The following LAMA1 variants were observed in gnomAD, a reference collection of about 807,000 sequenced individuals.
LAMA1 encodes the protein laminin subunit alpha-1.
A neutral mutation model predicts 348.7 loss-of-function variants in LAMA1; 219 were observed. That is an observed-to-expected ratio of 0.63 (90% CI 0.56 to 0.70). The LOEUF is 0.70. LAMA1 is among the 30% of genes least tolerant of loss of function. The pLI is 0.00. For missense variants in LAMA1, 3,744 were observed against 3,888.0 expected, an observed-to-expected ratio of 0.96 and a Z score of 0.99; for synonymous variants, 1,487 against 1,491.0, an observed-to-expected ratio of 1.00 and a Z score of 0.06.
intron 3 of LAMA1, among the ~76,000 whole-genome samples, chr18:7,067,092 A>G (rs2058125719): frequency 6.6e-6 from 1 of 152,178 alleles, no homozygotes; most frequent in Non-Finnish European, 1.5e-5. Flanking sequence ...GGAAGAAGAA[A>G]TTGGTAGCAC....
At chr18:7,098,743 A>T (rs1568067894) in intron 1 of LAMA1, among the ~76,000 whole-genome samples, 3 of 136,088 alleles carry the variant, frequency 2.2e-5, no homozygotes, top group Non-Finnish European at 4.8e-5. Flanking sequence ...CCGCCCGGCC[A>T]GCCACCCCGT....
Position 6,948,423 on chromosome 18 carries a change from C to T in LAMA1, c.8690G>A (p.Gly2897Glu), listed in dbSNP as rs1384268110. The change falls in exon 60 of 63, where the codon GGA becomes GAA. Residue 2897 changes from glycine to glutamate, a missense_variant. Physicochemically the swap from Gly to Glu is moderately conservative, Grantham distance 98. This residue lies in a region of LAMA1 where 232 missense variants were observed against 264.4 expected (regional missense o/e 0.88). Coordinates refer to ENST00000389658, the MANE Select transcript of LAMA1 (RefSeq NM_005559.4). ...AVAQEGTYFD[G>E]SGYAALVKEG... ...CATACCAAGAGCTGCATATCCGCTTCCGTCAAAGTATGTTCCTTCCTGGGC... is the reference window on the plus strand; with the variant it reads ...CATACCAAGAGCTGCATATCCGCTTTCGTCAAAGTATGTTCCTTCCTGGGC... 6.2e-7 allele frequency: 1 copy of T among 1,614,224 alleles called. No individual in the cohort carries two copies.
In LAMA1 at chr18:6,965,412, C is replaced by G; in HGVS notation, c.7071G>C (p.Glu2357Asp). The G allele has an allele frequency of 6.2e-7, 1 of 1,614,144 alleles. No homozygotes were observed. The stretch of plus-strand genomic sequence containing the variant: ...TAACCTTCACTCTGCCACGAAACAG[C>G]TCGATGGATAAAAAGTCTTTCTGTA... ...SYGTKDFLSI[E>D]LFRGRVKVMT... The change falls in exon 50 of 63, where the codon GAG (glutamate) becomes GAC (aspartate). Residue 2357 changes from glutamate to aspartate, a missense_variant. Physicochemically the swap from Glu to Asp is conservative, Grantham distance 45. Transcript: ENST00000389658.
Position 6,966,259 on chromosome 18 carries a change from C to T in LAMA1, c.6938G>A (p.Ser2313Asn), listed in dbSNP as rs965945947. ...TGACTTCTCCACGACAGAGTACCCA[C>T]TCCCGTCAAAATGGAAGGAAGGGTC... ...NEDPSFHFDG[S>N]GYSVVEKSLP... Residue 2313 changes from serine (S) to asparagine (N), a missense_variant, in exon 49 of 63, where the codon AGT becomes AAT. Coordinates refer to ENST00000389658, the MANE Select transcript of LAMA1 (RefSeq NM_005559.4). 7 of 1,614,000 alleles carry T rather than the reference C, an allele frequency of 4.3e-6. No individual in the cohort carries two copies. The highest frequency in any genetic ancestry group is 5.9e-6 in the Non-Finnish European group (7 of 1,179,978).
In LAMA1 at chr18:7,043,249, T is replaced by A. The variant is rs1357593410; in HGVS notation, c.1133A>T (p.Asp378Val). Residue 378 changes from aspartate to valine, a missense_variant, in exon 8 of 63, where the codon GAT (aspartate) becomes GTT (valine). Coordinates refer to ENST00000389658, the MANE Select transcript of LAMA1 (RefSeq NM_005559.4). ...TACTTTGTGTGGTCTATAATATCCA[T>A]CAATACAGGTTTCACAGTTGATTCC... ...TMGINCETCI[D>V]GYYRPHKVSP... 24 of 1,614,176 alleles carry A rather than the reference T, an allele frequency of 1.5e-5. No individual in the cohort carries two copies. Among genetic ancestry groups the A allele is most frequent in the Non-Finnish European group, 1.9e-5 (22 of 1,180,020 alleles).
Position 7,080,279 on chromosome 18 carries a change from A to C in LAMA1, c.232+8T>G. ...TGGGAATTTCAGAAATAAAGGCGCG[A>C]CACTTGCCTCTGGGGTTTGCGCTGT... is the stretch of plus-strand genomic sequence containing the variant. On this transcript the variant is annotated splice_region_variant and intron_variant, in intron 2 of 62. Coordinates refer to ENST00000389658, the MANE Select transcript of LAMA1 (RefSeq NM_005559.4). 6.2e-7 allele frequency: 1 copy of C among 1,614,024 alleles called. No homozygotes were observed. Among genetic ancestry groups the C allele is most frequent in the Non-Finnish European group, 8.5e-7 (1 of 1,180,044 alleles).
intron 3 of LAMA1, among the ~76,000 whole-genome samples, chr18:7,051,376 A>T (rs1433114569): frequency 6.6e-6 from 1 of 152,208 alleles, no homozygotes; most frequent in African/African-American, 2.4e-5. Flanking sequence ...AAATAGAATC[A>T]GTAGCAACTG....
Position 6,985,659 on chromosome 18 carries a change from C to G in LAMA1, c.5380-16G>C. The G allele has an allele frequency of 6.4e-7, 1 of 1,573,818 alleles. No individual in the cohort carries two copies. Among genetic ancestry groups the G allele is most frequent in the South Asian group, 1.1e-5 (1 of 90,090 alleles). On this transcript the variant is annotated splice_polypyrimidine_tract_variant and intron_variant, in intron 37 of 62. Coordinates refer to ENST00000389658, the MANE Select transcript of LAMA1 (RefSeq NM_005559.4). ...GCTTTTTATCCTGCAGCAGAAACGG[C>G]ATTTTAAGGGTGCTTCATAAAAGCA...
chr18:7,016,793 C>T, intron 20 of LAMA1, 122 bp from the exon 21 acceptor site: 2 of 887,804 alleles, frequency 2.3e-6, no homozygotes, highest in Non-Finnish European at 3.4e-6. Flanking sequence ...TTCATGACAC[C>T]ATCCCCATCC....
rs773818069 is a variant in LAMA1 at position 7,074,967 on chromosome 18, C to CAAAAAAAAAA, written c.345+4998_345+5007dup. ...GATAACCAAACCTAATACATAGAGGCAAAAAAAAAAAAAAAAAAAAAAAAA... is the reference window on the plus strand; with the variant it reads ...GATAACCAAACCTAATACATAGAGGCAAAAAAAAAAAAAAAAAAAAAAAAAAAAAAAAAAA... On this transcript the variant is annotated intron_variant, in intron 3 of 62. Transcript: ENST00000389658. 4.6e-4 allele frequency among the ~76,000 whole-genome samples: 24 copies of CAAAAAAAAAA among 52,266 alleles called. 5 individuals carry two copies. Among genetic ancestry groups the CAAAAAAAAAA allele is most frequent in the Non-Finnish European group, 7.3e-4 (22 of 30,290 alleles). The allele number at this position is 52,266 out of a possible 152,430, so 34.3% of individuals were successfully genotyped here.
chr18:7,105,354 G>C (rs1235071971), intron 1 of LAMA1, among the ~76,000 whole-genome samples: 1 of 152,010 alleles, frequency 6.6e-6, no homozygotes, highest in African/African-American at 2.4e-5. Context: ...TGGCAGAATT[G>C]CTTGAACCCG....
At chr18:6,976,234 T>A (rs1226506388) in intron 44 of LAMA1, among the ~76,000 whole-genome samples, 154 bp from the exon 45 acceptor site, 2 of 152,192 alleles carry the variant, frequency 1.3e-5, no homozygotes, top group Non-Finnish European at 2.9e-5. Flanking sequence ...AAGTGACATA[T>A]CAGATGGTAA....
rs1020970360 is a variant in LAMA1 at position 6,976,194 on chromosome 18, T to C, written c.6346-114A>G. 3.7e-5 allele frequency: 36 copies of C among 969,922 alleles called. No individual in the cohort carries two copies. The Admixed American group carries it at 6.2e-4, about 17-fold the overall frequency. 60.1% of individuals were successfully genotyped at this position (969,922 alleles called of 1,614,324 possible). A position where few individuals can be genotyped will look rare whatever the true frequency, so the allele number is the denominator to read the frequency against. On this transcript the variant is annotated intron_variant, in intron 44 of 62. Coordinates refer to ENST00000389658, the MANE Select transcript of LAMA1 (RefSeq NM_005559.4). ...TTTTCACTGAGGCAGGTTTCCTCTC[T>C]TGATAACATACAATGGTTCATGTTT...
chr18:6,946,130 T>C (rs780663227), intron 61 of LAMA1, among the ~76,000 whole-genome samples: 11 of 151,982 alleles, frequency 7.2e-5, no homozygotes, highest in Non-Finnish European at 8.8e-5. Context: ...TAACATGTTC[T>C]ACATTAAAAA....
rs553563632 is a variant in LAMA1 at position 6,968,495 on chromosome 18, G to A, written c.6900-2198C>T. 1.1e-4 allele frequency among the ~76,000 whole-genome samples: 17 copies of A among 152,310 alleles called. No homozygotes were observed. In the South Asian group the frequency reaches 2.5e-3, roughly 22 times the overall value. On this transcript the variant is annotated intron_variant, in intron 48 of 62. Transcript: ENST00000389658. ...ATGAGATGTCTGAGGACATAAATGT[G>A]TGATGTATGTGGACATGGCCGGTAC... is the stretch of plus-strand genomic sequence containing the variant.
At chr18:7,056,728 T>C (rs1259239692) in intron 3 of LAMA1, among the ~76,000 whole-genome samples, 2 of 152,208 alleles carry the variant, frequency 1.3e-5, no homozygotes, top group East Asian at 3.8e-4. Context: ...TTAAGCATAG[T>C]GGCAGCTCTT....
chr18:6,950,139 AG>A (rs1474052182), intron 58 of LAMA1, among the ~76,000 whole-genome samples: 2 of 152,060 alleles, frequency 1.3e-5, no homozygotes, highest in Non-Finnish European at 1.5e-5. Flanking sequence ...GAACTGGCTC[AG>A]CACAAGAAGA....
At chr18:7,105,864 C>A (rs566942439) in intron 1 of LAMA1, among the ~76,000 whole-genome samples, 1 of 152,260 alleles carries the variant, frequency 6.6e-6, no homozygotes, top group Admixed American at 6.5e-5. Flanking sequence ...TGGCGAATGA[C>A]CAAGTCAGCA....
chr18:7,011,190 T>C, intron 25 of LAMA1, 110 bp downstream of exon 25: 1 of 1,236,400 alleles, frequency 8.1e-7, no homozygotes, highest in Admixed American at 2.0e-5. Context: ...AAAGAGGAAA[T>C]TAATAACTAC....
Sources: gnomAD v4.1 joint callset for allele counts (sites outside exome capture counted in the v4.1 genomes callset) on GRCh38, gnomAD v4.1.1 for gene constraint, gnomAD v4.1.1 regional missense constraint, MANE v1.5 for transcripts, NCBI Gene and HGNC (gene_info 2026-07-23, HGNC 2026-07-21) for gene names.